IL21R: variants seen among roughly 807,000 people sequenced by gnomAD.
The protein encoded by IL21R is interleukin 21 receptor.
A neutral mutation model predicts 41.3 loss-of-function variants in IL21R; 14 were observed. The observed-to-expected ratio is 0.34, with a 90% CI of 0.22 to 0.53. IL21R has a LOEUF of 0.53. Among genes scored for constraint, IL21R ranks in the 20% least tolerant of loss-of-function variants. The pLI, the probability that IL21R is intolerant of heterozygous loss-of-function variation, is 0.94. For missense variants in IL21R, 588 were observed against 681.6 expected (o/e 0.86, Z 1.53); for synonymous variants, 286 against 287.6 (o/e 0.99, Z 0.05).
At chr16:27,415,598 G>A (rs1180540257) in intron 1 of IL21R, among the ~76,000 whole-genome samples, 2 of 152,174 alleles carry the variant, frequency 1.3e-5, no homozygotes, top group Non-Finnish European at 2.9e-5. Flanking sequence ...AAACGCGCAG[G>A]AAAGCTTCAC....
At position 27,430,318 on chromosome 16, in the gene IL21R, TGAAACA is replaced by T. The variant is rs1271749371; in HGVS notation, c.49+202_49+207del. ...AGAATCCATCCACCAAAGGGCTCCA[TGAAACA>T]GAAGCGGTAGACATGAGTCTCAGGT... On this transcript the variant is annotated intron_variant, in intron 2 of 8. Coordinates refer to ENST00000337929, the MANE Select transcript of IL21R (RefSeq NM_181078.3). Among the ~76,000 whole-genome samples, 6 of 152,174 alleles carry T rather than the reference TGAAACA, an allele frequency of 3.9e-5. No individual in the cohort carries two copies. The East Asian group carries it at 1.2e-3, about 29-fold the overall frequency.
chr16:27,434,495 G>A (rs775960434), intron 3 of IL21R, 46 bp downstream of exon 3: 60 of 1,248,260 alleles, frequency 4.8e-5, no homozygotes, highest in Non-Finnish European at 6.5e-5. Context: ...AATTCAGGGT[G>A]CCTGCTCAGT....
At chr16:27,429,194 A>G (rs2087126316) in intron 1 of IL21R, among the ~76,000 whole-genome samples, 1 of 152,134 alleles carries the variant, frequency 6.6e-6, no homozygotes, top group African/African-American at 2.4e-5. Context: ...ACTGCACTCC[A>G]GCCTGGGCGA....
In IL21R at chr16:27,405,446, G is replaced by A. The variant is rs900697627; in HGVS notation, c.-17+2828G>A. 1.5e-4 allele frequency among the ~76,000 whole-genome samples: 23 copies of A among 152,330 alleles called. 3 individuals are homozygous for A. Among genetic ancestry groups the A allele is most frequent in the Admixed American group, 1.0e-3 (16 of 15,308 alleles). On this transcript the variant is annotated intron_variant, in intron 1 of 8. Coordinates refer to ENST00000337929, the MANE Select transcript of IL21R (RefSeq NM_181078.3). ...ATATATGAGACCTCAGTAAATAAGA[G>A]CTCTTATGATGATTCTGCTTCCCCC...
At chr16:27,430,269 C>T in intron 2 of IL21R, 149 bp downstream of exon 2, 1 of 646,352 alleles carries the variant, frequency 1.5e-6, no homozygotes, top group Non-Finnish European at 2.7e-6. Context: ...TGACACGAGT[C>T]CAGTAGCCGG....
chr16:27,437,577 G>A lies in IL21R; in HGVS notation c.242G>A (p.Cys81Tyr). Residue 81 changes from cysteine (C) to tyrosine (Y), a missense_variant, in exon 4 of 9, where the codon TGC (cysteine) becomes TAC (tyrosine). By Grantham distance (194) the Cys-to-Tyr change is radical. Transcript: ENST00000337929. ...AATGCCACGCATGCCACCTACACCT[G>A]CCACATGGATGTATTCCACTTCATG... is the stretch of plus-strand genomic sequence containing the variant. ...AHNATHATYT[C>Y]HMDVFHFMAD... is the part of the protein sequence containing the mutation. 6.2e-7 allele frequency: 1 copy of A among 1,614,190 alleles called. No individual in the cohort carries two copies. Among genetic ancestry groups the A allele is most frequent in the Middle Eastern group, 1.7e-4 (1 of 6,060 alleles).
chr16:27,448,661 C>T lies in IL21R; in HGVS notation c.995C>T (p.Thr332Met), dbSNP rs761814669. Reference protein sequence around the residue: ...PRSPAKRLQLTELQEPAELVE... With the variant: ...PRSPAKRLQLMELQEPAELVE... ...AGCCCGGCCAAGAGGCTGCAGCTCA[C>T]GGAGCTACAAGAACCAGCAGAGCTG... is the stretch of plus-strand genomic sequence containing the variant. The change falls in exon 9 of 9, where the codon ACG becomes ATG. Residue 332 changes from threonine (T) to methionine (M), a missense_variant. Physicochemically the swap from Thr to Met is moderately conservative, Grantham distance 81. Coordinates refer to ENST00000337929, the MANE Select transcript of IL21R (RefSeq NM_181078.3). The T allele has an allele frequency of 3.6e-5, 58 of 1,613,010 alleles. No homozygotes were observed. The highest frequency in any genetic ancestry group is 1.5e-4 in the African/African-American group (11 of 74,926).
chr16:27,437,541 G>A lies in IL21R; in HGVS notation c.206G>A (p.Arg69Lys). 6.2e-7 allele frequency: 1 copy of A among 1,614,198 alleles called. No individual in the cohort carries two copies. ...KDEATSCSLH[R>K]SAHNATHATY... Reference sequence around the variant, plus strand: ...GAGGCCACCTCCTGCAGCCTCCACAGGTCGGCCCACAATGCCACGCATGCC... The same window carrying A: ...GAGGCCACCTCCTGCAGCCTCCACAAGTCGGCCCACAATGCCACGCATGCC... Residue 69 changes from arginine to lysine, a missense_variant, in exon 4 of 9, where the codon AGG (arginine) becomes AAG (lysine). Coordinates refer to ENST00000337929, the MANE Select transcript of IL21R (RefSeq NM_181078.3).
chr16:27,439,090 C>T (rs2087325809), intron 4 of IL21R, among the ~76,000 whole-genome samples: 1 of 152,140 alleles, frequency 6.6e-6, no homozygotes, highest in South Asian at 2.1e-4. Flanking sequence ...TAAGAGGTGT[C>T]TGTGATTCAC....
intron 1 of IL21R, among the ~76,000 whole-genome samples, chr16:27,426,248 T>C (rs987871369): frequency 6.6e-6 from 1 of 152,230 alleles, no homozygotes; most frequent in African/African-American, 2.4e-5. Context: ...ATAGTCTGTG[T>C]CTTGACCAGC....
intron 4 of IL21R, among the ~76,000 whole-genome samples, chr16:27,441,062 A>G (rs1481711390): frequency 1.3e-5 from 2 of 151,040 alleles, no homozygotes; most frequent in Admixed American, 6.6e-5. Context: ...AAAAAAAAAA[A>G]AAAAGAAAGA....
At chr16:27,418,359 C>T (rs1052345234) in intron 1 of IL21R, among the ~76,000 whole-genome samples, 2 of 151,238 alleles carry the variant, frequency 1.3e-5, no homozygotes, top group African/African-American at 4.9e-5. Flanking sequence ...TAAGCTACCG[C>T]GCCCGGCCCT....
intron 1 of IL21R, among the ~76,000 whole-genome samples, chr16:27,425,419 AAC>A (rs369703469): frequency 2.0e-3 from 305 of 152,308 alleles, no homozygotes; most frequent in Non-Finnish European, 3.2e-3. Flanking sequence ...GTTTATTTTA[AAC>A]AGTGTTAAAT....
At chr16:27,441,004 T>A in intron 4 of IL21R, among the ~76,000 whole-genome samples, 1 of 125,448 alleles carries the variant, frequency 8.0e-6, no homozygotes, top group East Asian at 2.3e-4. Flanking sequence ...TGAGCTGAGA[T>A]CACGCCACTG....
rs376347003 is a variant in IL21R, at chr16:27,438,818, C to T, written c.352+1131C>T. Among the ~76,000 whole-genome samples, 5 of 152,302 alleles carry T rather than the reference C, an allele frequency of 3.3e-5. No homozygotes were observed. In the East Asian group the frequency reaches 7.7e-4, roughly 23 times the overall value. ...CTGGGAGACAGAGGTTGCAATGAGCCAAGATCATGCCACCGCACTCCAGCC... is the reference window on the plus strand; with the variant it reads ...CTGGGAGACAGAGGTTGCAATGAGCTAAGATCATGCCACCGCACTCCAGCC... On this transcript the variant is annotated intron_variant, in intron 4 of 8. Transcript: ENST00000337929.
At chr16:27,427,586 G>T (rs1258857665) in intron 1 of IL21R, among the ~76,000 whole-genome samples, 4 of 152,092 alleles carry the variant, frequency 2.6e-5, no homozygotes, top group Non-Finnish European at 4.4e-5. Flanking sequence ...TTTATTTTTG[G>T]TAGAGACAAG....
rs2141295621 is a variant in IL21R, at chr16:27,437,669, T to C, written c.334T>C (p.Phe112Leu). Residue 112 changes from phenylalanine to leucine, a missense_variant, in exon 4 of 9, where the codon TTT becomes CTT. Transcript: ENST00000337929. Reference sequence around the variant, plus strand: ...CAACTACTCCCAGGAGTGTGGCAGCTTTCTCCTGGCTGAGAGCAGTGAGTA... The same window carrying C: ...CAACTACTCCCAGGAGTGTGGCAGCCTTCTCCTGGCTGAGAGCAGTGAGTA... The part of the protein sequence containing the change: ...SGNYSQECGS[F>L]LLAESIKPAP... 1 of 1,614,002 alleles carries C rather than the reference T, an allele frequency of 6.2e-7. No homozygotes were observed. Among genetic ancestry groups the C allele is most frequent in the Non-Finnish European group, 8.5e-7 (1 of 1,179,894 alleles).
At chr16:27,414,415 C>T (rs179767) in intron 1 of IL21R, among the ~76,000 whole-genome samples, 118,613 of 151,904 alleles carry the variant, frequency 0.78, 47,354 homozygotes, top group East Asian at 0.99. Flanking sequence ...ATATGTTATC[C>T]ATTTTTATAA....
intron 2 of IL21R, among the ~76,000 whole-genome samples, chr16:27,434,024 G>A (rs2087220763): frequency 6.6e-6 from 1 of 152,176 alleles, no homozygotes; most frequent in African/African-American, 2.4e-5. Context: ...GCTTGGCCAG[G>A]AGGGACACAG....
Sources: allele counts gnomAD v4.1 joint callset (sites outside exome capture counted in the v4.1 genomes callset), GRCh38; gene constraint gnomAD v4.1.1; transcripts MANE v1.5; gene names NCBI Gene and HGNC (gene_info 2026-07-23, HGNC 2026-07-21).